Variants in IFT80 observed in about 807,000 individuals in gnomAD.
IFT80 encodes intraflagellar transport protein 80 homolog.
Under a neutral mutation model 107.9 loss-of-function variants are expected in IFT80, and 79 were observed. That is an observed-to-expected ratio of 0.73 (90% CI 0.61 to 0.88). The LOEUF (loss-of-function observed/expected upper bound fraction) is 0.88. Ranked by LOEUF, IFT80 falls within the 40% of genes least tolerant of loss-of-function variation. The pLI is 0.00. For synonymous variants in IFT80, 299 were observed against 300.9 expected (o/e 0.99, Z 0.07); for missense variants, 797 against 914.2 (o/e 0.87, Z 1.65).
intron 19 of IFT80, among the ~76,000 whole-genome samples, chr3:160,267,805 A>T (rs1470626492): frequency 1.3e-5 from 2 of 152,166 alleles, no homozygotes; most frequent in Non-Finnish European, 2.9e-5. Context: ...GGGCTCAAGC[A>T]GTCCTCCTGC....
intron 8 of IFT80, chr3:160,342,820 G>C (rs942792233): frequency 3.9e-5 from 6 of 152,478 alleles, no homozygotes; most frequent in Non-Finnish European, 8.8e-5. Context: ...TTGGGCAAGA[G>C]ATATGCTTAT....
At chr3:160,391,271 G>A (rs1713361130) in intron 1 of IFT80, among the ~76,000 whole-genome samples, 1 of 152,186 alleles carries the variant, frequency 6.6e-6, no homozygotes, top group African/African-American at 2.4e-5. Flanking sequence ...GAGCTTGCCT[G>A]CCCTGCATCA....
At chr3:160,281,736 G>C (rs750202922) in intron 14 of IFT80, among the ~76,000 whole-genome samples, 1 of 152,128 alleles carries the variant, frequency 6.6e-6, no homozygotes, top group Non-Finnish European at 1.5e-5. Context: ...AGGGAAAAAC[G>C]CCTCAAGTGA....
At position 160,275,306 on chromosome 3, in the gene IFT80, C is replaced by T. The variant is rs187311066; in HGVS notation, c.2099+2000G>A. 3.3e-5 allele frequency among the ~76,000 whole-genome samples: 5 copies of T among 152,010 alleles called. No individual in the cohort carries two copies. In the East Asian group the frequency reaches 9.7e-4, roughly 29 times the overall value. ...TTTTTACAGAATTGATGTACTGAACCGTATCAATCTAAAAGGAGGAATGCT... is the reference window on the plus strand; with the variant it reads ...TTTTTACAGAATTGATGTACTGAACTGTATCAATCTAAAAGGAGGAATGCT... On this transcript the variant is annotated intron_variant, in intron 18 of 19. Transcript: ENST00000326448.
chr3:160,313,452 C>T (rs755522060), intron 9 of IFT80, among the ~76,000 whole-genome samples: 14 of 151,866 alleles, frequency 9.2e-5, no homozygotes, highest in Non-Finnish European at 2.1e-4. Context: ...CCTAAAGCCT[C>T]ACATGGAGGA....
At chr3:160,386,734 C>T (rs746623655) in intron 1 of IFT80, among the ~76,000 whole-genome samples, 1 of 152,134 alleles carries the variant, frequency 6.6e-6, no homozygotes, top group South Asian at 2.1e-4. Context: ...CTTCCTATTC[C>T]TACATTTACC....
Position 160,280,833 on chromosome 3 carries a change from T to C in IFT80, c.1517-19A>G. On this transcript the variant is annotated intron_variant, in intron 14 of 19. Transcript: ENST00000326448. ...ATTGTTCCTTAATTTAAAAAGAATG[T>C]TAATGTGCTATTAGCTTTAATATGT... 1 of 1,605,980 alleles carries C rather than the reference T, an allele frequency of 6.2e-7. No homozygotes were observed. Among genetic ancestry groups the C allele is most frequent in the Non-Finnish European group, 8.5e-7 (1 of 1,174,020 alleles).
chr3:160,322,281 T>C (rs1297546837), intron 8 of IFT80, among the ~76,000 whole-genome samples: 1 of 149,596 alleles, frequency 6.7e-6, no homozygotes, highest in Non-Finnish European at 1.5e-5. Flanking sequence ...TGAGAACATG[T>C]GGTGTTTGGT....
chr3:160,294,026 A>G (rs1243383709), intron 12 of IFT80, among the ~76,000 whole-genome samples: 1 of 152,144 alleles, frequency 6.6e-6, no homozygotes, highest in African/African-American at 2.4e-5. Flanking sequence ...TTTTAATAAA[A>G]TTGTAATCAT....
intron 3 of IFT80, among the ~76,000 whole-genome samples, chr3:160,379,030 A>G (rs1193517346): frequency 6.6e-6 from 1 of 152,182 alleles, no homozygotes; most frequent in Non-Finnish European, 1.5e-5. Context: ...AAAGGAATAA[A>G]TAGTAACTTT....
At chr3:160,292,475 CTTTTTTTTTTT>C (rs142116230) in intron 12 of IFT80, among the ~76,000 whole-genome samples, 2 of 115,362 alleles carry the variant, frequency 1.7e-5, no homozygotes, top group Non-Finnish European at 3.5e-5. Context: ...AGAGAGATTC[CTTTTTTTTTTT>C]TTTTTTTTTT....
intron 8 of IFT80, among the ~76,000 whole-genome samples, chr3:160,347,629 C>T (rs113490599): frequency 6.6e-6 from 1 of 152,164 alleles, no homozygotes; most frequent in Non-Finnish European, 1.5e-5. Context: ...GACATGGGTA[C>T]ACAATTTTAC....
chr3:160,334,819 T>A (rs1719347156), intron 8 of IFT80, among the ~76,000 whole-genome samples: 2 of 143,578 alleles, frequency 1.4e-5, no homozygotes, highest in South Asian at 2.2e-4. Flanking sequence ...TTTTTTTTTT[T>A]AAAGACAGTT....
At chr3:160,272,086 A>C (rs1713853416) in intron 18 of IFT80, among the ~76,000 whole-genome samples, 1 of 152,152 alleles carries the variant, frequency 6.6e-6, no homozygotes, top group East Asian at 1.9e-4. Flanking sequence ...ACTATGGTAA[A>C]TTCTATAGGT....
chr3:160,309,644 G>A lies in IFT80; in HGVS notation c.958-1863C>T, dbSNP rs146929718. On this transcript the variant is annotated intron_variant, in intron 9 of 19. Transcript: ENST00000326448. ...GGAGCTTGCAGTGAGCTGAGATTGT[G>A]CCACTGCGCTCCAGGCTGGGCAACA... is the stretch of plus-strand genomic sequence containing the variant. Among the ~76,000 whole-genome samples, 37 of 152,118 alleles carry A rather than the reference G, an allele frequency of 2.4e-4. No homozygotes were observed. The East Asian group carries it at 7.1e-3, about 29-fold the overall frequency.
intron 1 of IFT80, among the ~76,000 whole-genome samples, chr3:160,396,070 C>G (rs1713757334): frequency 1.3e-5 from 2 of 152,024 alleles, no homozygotes; most frequent in Non-Finnish European, 2.9e-5. Context: ...GCCATACTCT[C>G]TACCTCTACT....
intron 7 of IFT80, 113 bp from the exon 8 acceptor site, chr3:160,356,263 AC>A: frequency 1.1e-6 from 1 of 901,050 alleles, no homozygotes; most frequent in Non-Finnish European, 1.7e-6. Flanking sequence ...CCACATAAAA[AC>A]AAGTTTGTCT....
chr3:160,264,119 A>G (rs1371133131), intron 19 of IFT80, among the ~76,000 whole-genome samples: 2 of 141,334 alleles, frequency 1.4e-5, no homozygotes, highest in African/African-American at 5.3e-5. Flanking sequence ...AGGATTTTAT[A>G]TTTTTTGGGA....
At chr3:160,286,527 G>A (rs1215667168) in intron 12 of IFT80, among the ~76,000 whole-genome samples, 1 of 152,194 alleles carries the variant, frequency 6.6e-6, no homozygotes, top group African/African-American at 2.4e-5. Context: ...ACAAAAGTCT[G>A]CCCAGGTGTG....
Sources: gnomAD v4.1 joint callset for allele counts (sites outside exome capture counted in the v4.1 genomes callset) on GRCh38, gnomAD v4.1.1 for gene constraint, MANE v1.5 for transcripts, NCBI Gene and HGNC (gene_info 2026-07-23, HGNC 2026-07-21) for gene names.